DOK6: variants seen among roughly 807,000 people sequenced by gnomAD.
DOK6 encodes docking protein 6, also known as downstream of tyrosine kinase 6.
DOK6 carries 22 observed loss-of-function variants against 44.0 expected under a neutral mutation model. That is an observed-to-expected ratio of 0.50 (90% CI 0.36 to 0.71). The LOEUF is 0.71. Ranked by LOEUF, DOK6 falls within the 30% of genes least tolerant of loss-of-function variation. DOK6 has a pLI of 0.00. For synonymous variants in DOK6, 166 were observed against 145.5 expected (o/e 1.14, Z -1.01); for missense variants, 340 against 416.4 (o/e 0.82, Z 1.60).
intron 1 of DOK6, among the ~76,000 whole-genome samples, chr18:69,402,699 G>C (rs533466644): frequency 1.3e-5 from 2 of 152,226 alleles, no homozygotes; most frequent in Non-Finnish European, 2.9e-5. Context: ...CTGCAAGAGC[G>C]AGTGCGGAGC....
At chr18:69,754,829 T>C (rs947926328) in intron 6 of DOK6, among the ~76,000 whole-genome samples, 3 of 152,230 alleles carry the variant, frequency 2.0e-5, no homozygotes, top group Non-Finnish European at 4.4e-5. Flanking sequence ...AAGCCTTGTC[T>C]TCAAATATAG....
At chr18:69,661,352 C>T (rs1985520841) in intron 3 of DOK6, 1 of 152,248 alleles carries the variant, frequency 6.6e-6, no homozygotes, top group Non-Finnish European at 1.5e-5. Flanking sequence ...GACCTAATGA[C>T]ATCAACAACG....
intron 1 of DOK6, among the ~76,000 whole-genome samples, chr18:69,426,506 T>G (rs767018431): frequency 2.0e-5 from 3 of 152,198 alleles, no homozygotes; most frequent in Non-Finnish European, 2.9e-5. Context: ...GAAAGTCGTT[T>G]TATTTCTAAT....
chr18:69,736,381 TTA>T (rs1978608099), intron 5 of DOK6, among the ~76,000 whole-genome samples: 1 of 152,184 alleles, frequency 6.6e-6, no homozygotes, highest in South Asian at 2.1e-4. Context: ...CTTAGAATTT[TTA>T]TGAGGCCCTA....
intron 2 of DOK6, among the ~76,000 whole-genome samples, chr18:69,595,183 T>A (rs544821957): frequency 2.6e-5 from 4 of 152,326 alleles, no homozygotes; most frequent in Non-Finnish European, 5.9e-5. Flanking sequence ...CAAAGCAATC[T>A]ACAGATTCAA....
chr18:69,574,930 G>T (rs1474992522), intron 2 of DOK6, among the ~76,000 whole-genome samples: 1 of 151,896 alleles, frequency 6.6e-6, no homozygotes, highest in Non-Finnish European at 1.5e-5. Flanking sequence ...AATGGAGAAA[G>T]GTACGTGAAT....
chr18:69,456,054 C>T (rs1024837321), intron 1 of DOK6, among the ~76,000 whole-genome samples: 1 of 152,066 alleles, frequency 6.6e-6, no homozygotes, highest in Non-Finnish European at 1.5e-5. Flanking sequence ...CTGTTTCTGC[C>T]ATATAGAAAT....
chr18:69,746,163 A>G (rs1436319173), intron 6 of DOK6, among the ~76,000 whole-genome samples: 1 of 152,244 alleles, frequency 6.6e-6, no homozygotes, highest in African/African-American at 2.4e-5. Flanking sequence ...GACGGAAATG[A>G]TGTTGAAAGT....
intron 5 of DOK6, among the ~76,000 whole-genome samples, chr18:69,725,676 C>CA (rs1017772149): frequency 2.8e-4 from 43 of 152,058 alleles, no homozygotes; most frequent in African/African-American, 9.4e-4. Context: ...TTAGTAGAGA[C>CA]AGAGTTTCAC....
At chr18:69,515,699 C>A (rs920461772) in intron 1 of DOK6, among the ~76,000 whole-genome samples, 4 of 152,104 alleles carry the variant, frequency 2.6e-5, no homozygotes, top group Non-Finnish European at 5.9e-5. Flanking sequence ...ATATATGGTT[C>A]CTAATCTTTC....
intron 7 of DOK6, among the ~76,000 whole-genome samples, chr18:69,826,525 T>G (rs1257148542): frequency 2.0e-5 from 3 of 152,206 alleles, no homozygotes; most frequent in Non-Finnish European, 4.4e-5. Context: ...TAATAAGGGT[T>G]GCTAAACCCA....
intron 7 of DOK6, among the ~76,000 whole-genome samples, chr18:69,780,448 C>T (rs1247932097): frequency 2.0e-5 from 3 of 152,010 alleles, no homozygotes; most frequent in Non-Finnish European, 2.9e-5. Context: ...AAAAATTAGC[C>T]GTGCATGGTG....
At chr18:69,464,100 G>A (rs1979862930) in intron 1 of DOK6, among the ~76,000 whole-genome samples, 1 of 151,994 alleles carries the variant, frequency 6.6e-6, no homozygotes, top group Non-Finnish European at 1.5e-5. Context: ...GTTTATCCTG[G>A]GCTTTAAACA....
intron 3 of DOK6, among the ~76,000 whole-genome samples, chr18:69,646,863 G>A (rs991183515): frequency 1.3e-5 from 2 of 152,050 alleles, no homozygotes; most frequent in Admixed American, 1.3e-4. Context: ...CATCAGGGTG[G>A]GGCCCCTTGT....
chr18:69,844,751 T>C lies in DOK6; in HGVS notation c.*3368T>C, dbSNP rs951759200. On this transcript the variant is annotated 3_prime_UTR_variant, in exon 8 of 8. Coordinates refer to ENST00000382713, the MANE Select transcript of DOK6 (RefSeq NM_152721.6). ...TATTTATATATGAGGGAAGATGCTG[T>C]TTGATAGAGCATGTGAAATCAATGG... is the stretch of plus-strand genomic sequence containing the variant. 1.2e-4 allele frequency: 19 copies of C among 152,232 alleles called. No individual in the cohort carries two copies. Among genetic ancestry groups the C allele is most frequent in the African/African-American group, 4.6e-4 (19 of 41,466 alleles). The allele number at this position is 152,232 out of a possible 1,614,324, so 9.4% of individuals were successfully genotyped here.
intron 7 of DOK6, among the ~76,000 whole-genome samples, chr18:69,785,703 G>A (rs1021415791): frequency 6.6e-6 from 1 of 152,058 alleles, no homozygotes; most frequent in Non-Finnish European, 1.5e-5. Context: ...AATGTGCTTT[G>A]TTGCCATATT....
intron 1 of DOK6, among the ~76,000 whole-genome samples, chr18:69,541,876 G>A (rs1367636245): frequency 6.6e-6 from 1 of 151,538 alleles, no homozygotes. Context: ...TTGGCCAGAT[G>A]TCAGGATACC....
At chr18:69,598,232 A>G (rs1983792498) in intron 2 of DOK6, among the ~76,000 whole-genome samples, 1 of 151,594 alleles carries the variant, frequency 6.6e-6, no homozygotes, top group South Asian at 2.1e-4. Context: ...AATATTGATT[A>G]TATTTGTATT....
At chr18:69,758,286 A>G (rs953587227) in intron 7 of DOK6, among the ~76,000 whole-genome samples, 9 of 152,178 alleles carry the variant, frequency 5.9e-5, no homozygotes, top group African/African-American at 2.2e-4. Flanking sequence ...GCTCTGCCAT[A>G]AACTGGTATA....
Sources: allele counts gnomAD v4.1 joint callset (sites outside exome capture counted in the v4.1 genomes callset), GRCh38; gene constraint gnomAD v4.1.1; transcripts MANE v1.5; gene names NCBI Gene and HGNC (gene_info 2026-07-23, HGNC 2026-07-21).